Variants in CCNY observed in about 807,000 individuals in gnomAD.
CCNY encodes cyclin-Y.
A neutral mutation model predicts 42.8 loss-of-function variants in CCNY; 19 were observed. The observed-to-expected ratio is 0.44, with a 90% CI of 0.31 to 0.65. The LOEUF (loss-of-function observed/expected upper bound fraction) is 0.65. Ranked by LOEUF, CCNY falls within the 30% of genes least tolerant of loss-of-function variation. The pLI, the probability that CCNY is intolerant of heterozygous loss-of-function variation, is 0.07. For synonymous variants in CCNY, 165 were observed against 162.7 expected (o/e 1.01, Z -0.11); for missense variants, 370 against 437.3 (o/e 0.85, Z 1.37).
intron 1 of CCNY, among the ~76,000 whole-genome samples, chr10:35,373,877 G>T (rs1250384036): frequency 1.8e-4 from 28 of 152,160 alleles, no homozygotes; most frequent in Admixed American, 1.7e-3. Context: ...TCCATGAAGG[G>T]GTTGTTTCTC....
In CCNY at chr10:35,274,581, G is replaced by A. The variant is rs143088389; in HGVS notation, c.-9+23955G>A. On this transcript the variant is annotated intron_variant, in intron 3 of 11. Coordinates refer to the CCNY transcript ENST00000374706. The stretch of plus-strand genomic sequence containing the variant: ...CAATGAACTTGCCATCTCTTCCTCC[G>A]CAGGTCCAATTAGCACTAGGTCATC... Among the ~76,000 whole-genome samples, 39 of 152,202 alleles carry A rather than the reference G, an allele frequency of 2.6e-4. No homozygotes were observed. The East Asian group carries it at 6.8e-3, about 26-fold the overall frequency.
chr10:35,481,512 C>A (rs1422404159), intron 1 of CCNY, among the ~76,000 whole-genome samples: 1 of 152,134 alleles, frequency 6.6e-6, no homozygotes, highest in East Asian at 1.9e-4. Context: ...AAAAGTGGGT[C>A]TTAAAGAAAA....
intron 1 of CCNY, among the ~76,000 whole-genome samples, chr10:35,435,605 G>A (rs1049101792): frequency 7.2e-5 from 11 of 152,190 alleles, no homozygotes; most frequent in African/African-American, 2.7e-4. Context: ...GATAAAACAT[G>A]GCACAGTCAA....
chr10:35,356,522 C>T (rs149267889), intron 1 of CCNY, among the ~76,000 whole-genome samples: 126 of 152,220 alleles, frequency 8.3e-4, no homozygotes, highest in African/African-American at 2.9e-3. Context: ...CAACGGGAAG[C>T]GTGCTTCACA....
chr10:35,401,449 A>G (rs1589093103), intron 1 of CCNY, among the ~76,000 whole-genome samples: 1 of 152,226 alleles, frequency 6.6e-6, no homozygotes, highest in Non-Finnish European at 1.5e-5. Context: ...TTAAACAGCT[A>G]TAACAAAAAT....
intron 1 of CCNY, among the ~76,000 whole-genome samples, chr10:35,358,546 C>T (rs763292929): frequency 3.3e-5 from 5 of 152,168 alleles, no homozygotes; most frequent in Non-Finnish European, 5.9e-5. Context: ...TAAAGATTAC[C>T]ATTTAATTTG....
chr10:35,442,501 T>C (rs1346970302), intron 1 of CCNY, among the ~76,000 whole-genome samples: 2 of 152,146 alleles, frequency 1.3e-5, no homozygotes, highest in Non-Finnish European at 2.9e-5. Flanking sequence ...GAGTTTAGGG[T>C]GGTCTACCTG....
intron 1 of CCNY, among the ~76,000 whole-genome samples, chr10:35,394,559 C>T (rs538089726): frequency 5.2e-4 from 79 of 152,252 alleles, no homozygotes; most frequent in Non-Finnish European, 4.7e-4. Flanking sequence ...GTCACACGGC[C>T]GGCTTCAAGG....
In CCNY at chr10:35,378,983, G is replaced by T. The variant is rs1459036425; in HGVS notation, c.154+41776G>T. ...CAGAGTCAAGGGAGACATTGGTGGAGTTGATGCACCAATGCATTTTTGGAT... is the reference window on the plus strand; with the variant it reads ...CAGAGTCAAGGGAGACATTGGTGGATTTGATGCACCAATGCATTTTTGGAT... On this transcript the variant is annotated intron_variant, in intron 1 of 9. Coordinates refer to ENST00000374704, the MANE Select transcript of CCNY (RefSeq NM_145012.6). Among the ~76,000 whole-genome samples the T allele has an allele frequency of 4.6e-5, 7 of 152,294 alleles. No homozygotes were observed. The East Asian group carries it at 5.8e-4, about 13-fold the overall frequency.
At chr10:35,386,734 G>A (rs554276768) in intron 1 of CCNY, among the ~76,000 whole-genome samples, 1 of 152,238 alleles carries the variant, frequency 6.6e-6, no homozygotes, top group Non-Finnish European at 1.5e-5. Flanking sequence ...GGCATTTACA[G>A]TATATTGTTA....
intron 3 of CCNY, among the ~76,000 whole-genome samples, chr10:35,294,333 C>G (rs548156645): frequency 6.6e-6 from 1 of 152,212 alleles, no homozygotes; most frequent in Admixed American, 6.5e-5. Flanking sequence ...TTGTCTTATT[C>G]CTGATCTGAG....
intron 3 of CCNY, among the ~76,000 whole-genome samples, chr10:35,263,104 A>G (rs12264574): frequency 2.0e-5 from 3 of 151,464 alleles, no homozygotes; most frequent in Non-Finnish European, 4.4e-5. Context: ...CGCCTGTAAT[A>G]CCAGCACTTT....
intron 1 of CCNY, among the ~76,000 whole-genome samples, chr10:35,401,644 T>C (rs1837647381): frequency 6.6e-6 from 1 of 152,106 alleles, no homozygotes; most frequent in Non-Finnish European, 1.5e-5. Flanking sequence ...CAAACAGGCT[T>C]TGTGTGAGCA....
At chr10:35,476,486 C>G (rs1279392369) in intron 1 of CCNY, among the ~76,000 whole-genome samples, 1 of 152,196 alleles carries the variant, frequency 6.6e-6, no homozygotes, top group Non-Finnish European at 1.5e-5. Context: ...GAATCTCACT[C>G]AGAACTGTTC....
At chr10:35,457,357 G>A (rs1304347408) in intron 1 of CCNY, among the ~76,000 whole-genome samples, 1 of 152,108 alleles carries the variant, frequency 6.6e-6, no homozygotes. Context: ...CTTACTTGTG[G>A]TCATATTGTC....
At chr10:35,547,775 C>A (rs552383389) in intron 7 of CCNY, among the ~76,000 whole-genome samples, 2 of 152,228 alleles carry the variant, frequency 1.3e-5, no homozygotes, top group Admixed American at 1.3e-4. Flanking sequence ...CACGCTCTGC[C>A]GGCCCCTGGG....
chr10:35,485,939 T>C (rs1839779646), intron 2 of CCNY, among the ~76,000 whole-genome samples: 1 of 152,194 alleles, frequency 6.6e-6, no homozygotes, highest in Admixed American at 6.5e-5. Context: ...TTGTTTACCC[T>C]CTTATCTTTT....
chr10:35,449,208 C>T (rs530641681), intron 1 of CCNY, among the ~76,000 whole-genome samples: 19 of 145,162 alleles, frequency 1.3e-4, no homozygotes, highest in Admixed American at 1.2e-3. Flanking sequence ...GAGGTCACCA[C>T]GCAGCGAGGA....
intron 1 of CCNY, among the ~76,000 whole-genome samples, chr10:35,390,139 G>A (rs563552664): frequency 2.2e-4 from 34 of 152,312 alleles, no homozygotes; most frequent in African/African-American, 8.2e-4. Context: ...AATAAGCACA[G>A]TAGCATAATT....
Sources: allele counts gnomAD v4.1 joint callset (sites outside exome capture counted in the v4.1 genomes callset), GRCh38; gene constraint gnomAD v4.1.1; transcripts MANE v1.5; gene names NCBI Gene and HGNC (gene_info 2026-07-23, HGNC 2026-07-21).